Variants in TECPR1 observed in about 807,000 individuals in gnomAD.
The protein encoded by TECPR1 is tectonin beta-propeller repeat containing 1, also known as tectonin beta-propeller repeat-containing protein 1.
TECPR1 carries 122 observed loss-of-function variants against 162.4 expected under a neutral mutation model. That is an observed-to-expected ratio of 0.75 (90% confidence interval 0.65 to 0.87). The LOEUF (loss-of-function observed/expected upper bound fraction) is 0.87, where lower values mean the gene tolerates loss of function less well. Ranked by LOEUF, TECPR1 falls within the 40% of genes least tolerant of loss-of-function variation. TECPR1 has a pLI of 0.00. For missense variants in TECPR1, 1,432 were observed against 1,618.2 expected (o/e 0.88, Z 1.97); for synonymous variants, 642 against 670.6 (o/e 0.96, Z 0.66).
Position 98,222,977 on chromosome 7 carries a change from C to T in TECPR1, c.2928+13G>A. ...CTCATTTCAAGAAGAATCTGTCTGG[C>T]CCCGGCACTCACCGCAGGGTTGAGC... On this transcript the variant is annotated intron_variant, in intron 21 of 25. Coordinates refer to ENST00000447648, the MANE Select transcript of TECPR1 (RefSeq NM_015395.3). 1 of 1,610,616 alleles carries T rather than the reference C, an allele frequency of 6.2e-7. No homozygotes were observed. Among genetic ancestry groups the T allele is most frequent in the Non-Finnish European group, 8.5e-7 (1 of 1,179,046 alleles).
chr7:98,223,563 G>A, intron 20 of TECPR1, 99 bp downstream of exon 20: 2 of 1,308,044 alleles, frequency 1.5e-6, no homozygotes, highest in Non-Finnish European at 2.2e-6. Flanking sequence ...GAGGTCAGAG[G>A]CCAGGAGATC....
intron 10 of TECPR1, among the ~76,000 whole-genome samples, chr7:98,235,938 C>T (rs757803315): frequency 7.2e-5 from 11 of 151,882 alleles, no homozygotes; most frequent in Non-Finnish European, 1.2e-4. Context: ...GCTGACAGCA[C>T]GGCAGGGTGG....
At chr7:98,239,793 AC>A (rs1798699741) in intron 8 of TECPR1, among the ~76,000 whole-genome samples, 1 of 151,476 alleles carries the variant, frequency 6.6e-6, no homozygotes, top group South Asian at 2.1e-4. Context: ...GGCCAGGGAA[AC>A]CCCCTTGACA....
At chr7:98,247,625 A>G (rs1410960148) in intron 2 of TECPR1, among the ~76,000 whole-genome samples, 1 of 152,134 alleles carries the variant, frequency 6.6e-6, no homozygotes, top group African/African-American at 2.4e-5. Flanking sequence ...GAATTCAGGG[A>G]CGTAGGGGTC....
intron 13 of TECPR1, 132 bp downstream of exon 13, chr7:98,231,672 T>A: frequency 3.9e-6 from 3 of 765,488 alleles, no homozygotes; most frequent in Non-Finnish European, 5.5e-6. Context: ...GGTACCCTCA[T>A]TTCTGTGTCC....
rs1431150404 is a variant in TECPR1 at position 98,231,442 on chromosome 7, C to T, written c.1975-69G>A. 17 of 1,496,448 alleles carry T rather than the reference C, an allele frequency of 1.1e-5. No homozygotes were observed. In the Middle Eastern group the frequency reaches 7.8e-4, roughly 69 times the overall value. The allele number at this position is 1,496,448 out of a possible 1,614,324, so 92.7% of individuals were successfully genotyped here. A position where few individuals can be genotyped will look rare whatever the true frequency, so the allele number is the denominator to read the frequency against. ...GGAGGCCTCTGGAGGGTGACCCCCA[C>T]TGTGCTTCACCCTGGGACCCTGGCC... On this transcript the variant is annotated intron_variant, in intron 13 of 25. Coordinates refer to ENST00000447648, the MANE Select transcript of TECPR1 (RefSeq NM_015395.3).
intron 1 of TECPR1, chr7:98,251,904 C>T (rs1799071889): frequency 6.6e-6 from 1 of 152,278 alleles, no homozygotes; most frequent in Non-Finnish European, 1.5e-5. Context: ...GCGTCACCTG[C>T]ACCAGGCAAC....
chr7:98,238,832 T>C (rs1355584398), intron 8 of TECPR1, among the ~76,000 whole-genome samples: 1 of 152,228 alleles, frequency 6.6e-6, no homozygotes, highest in Non-Finnish European at 1.5e-5. Context: ...CCACGAGGGC[T>C]GAGGGTCCTC....
rs776993227 is a variant in TECPR1, at chr7:98,217,188, C to G, written c.*202G>C. 1 of 560,940 alleles carries G rather than the reference C, an allele frequency of 1.8e-6. No homozygotes were observed. The highest frequency in any genetic ancestry group is 3.2e-6 in the Non-Finnish European group (1 of 316,304). The allele number at this position is 560,940 out of a possible 1,614,324, so 34.7% of individuals were successfully genotyped here. The stretch of plus-strand genomic sequence containing the variant: ...CCGGGACTCCTCGCAGACGGGGACA[C>G]GTGTGGGAGTGTCCGCGGAGCTTCA... On this transcript the variant is annotated 3_prime_UTR_variant, in exon 26 of 26. Coordinates refer to ENST00000447648, the MANE Select transcript of TECPR1 (RefSeq NM_015395.3).
chr7:98,243,952 A>G (rs1002598264), intron 5 of TECPR1, among the ~76,000 whole-genome samples: 8 of 152,180 alleles, frequency 5.3e-5, no homozygotes, highest in Non-Finnish European at 1.0e-4. Flanking sequence ...AGTCCCAGCT[A>G]CTAGGGAGGC....
chr7:98,229,429 A>T (rs1584333365), intron 15 of TECPR1, among the ~76,000 whole-genome samples: 1 of 151,984 alleles, frequency 6.6e-6, no homozygotes, highest in East Asian at 1.9e-4. Context: ...TCTGGAACCC[A>T]CCCACTTCAG....
intron 2 of TECPR1, 106 bp from the exon 3 acceptor site, chr7:98,246,271 T>TC (rs1180575801): frequency 9.1e-5 from 11 of 120,868 alleles, no homozygotes; most frequent in East Asian, 8.6e-4. Context: ...TCTTTTTCTC[T>TC]TTTTTTTTTT....
At chr7:98,218,133 T>A in intron 23 of TECPR1, 91 bp from the exon 24 acceptor site, 2 of 1,065,956 alleles carry the variant, frequency 1.9e-6, no homozygotes, top group Non-Finnish European at 2.8e-6. Flanking sequence ...GGCCCCGCTC[T>A]AACCACTTCG....
At position 98,230,986 on chromosome 7, in the gene TECPR1, C is replaced by G; in HGVS notation, c.2257G>C (p.Glu753Gln). 3 of 1,612,270 alleles carry G rather than the reference C, an allele frequency of 1.9e-6. No individual in the cohort carries two copies. Among genetic ancestry groups the G allele is most frequent in the Middle Eastern group, 1.7e-4 (1 of 5,850 alleles). The change falls in exon 15 of 26, where the codon GAG (glutamate) becomes CAG (glutamine). Residue 753 changes from glutamate (E) to glutamine (Q), a missense_variant. Physicochemically the swap from Glu to Gln is conservative, Grantham distance 29. Transcript: ENST00000447648. ...SEPSPDLEAH[E>Q]HPLPCDQMFW... is the part of the protein sequence containing the mutation. ...ATCTGGTCGCAGGGCAGGGGGTGCT[C>G]GTGGGCCTCCAGGTCTGGGCTGGGC...
chr7:98,242,813 G>A (rs1170390953), intron 6 of TECPR1, among the ~76,000 whole-genome samples: 5 of 110,494 alleles, frequency 4.5e-5, no homozygotes, highest in Non-Finnish European at 7.0e-5. Flanking sequence ...CCATCCATCC[G>A]CACACCCACC....
intron 2 of TECPR1, among the ~76,000 whole-genome samples, chr7:98,250,567 G>GGATCAC (rs1180566650): frequency 6.6e-6 from 1 of 152,194 alleles, no homozygotes; most frequent in Non-Finnish European, 1.5e-5. Context: ...GAGCCCAGGA[G>GGATCAC]TTTGAGGCTA....
chr7:98,244,732 A>C, intron 4 of TECPR1, 39 bp from the exon 5 acceptor site: 1 of 1,589,980 alleles, frequency 6.3e-7, no homozygotes, highest in African/African-American at 1.3e-5. Flanking sequence ...CTCTGCGGGG[A>C]AGGCATTTGA....
chr7:98,233,762 G>C lies in TECPR1; in HGVS notation c.1331C>G (p.Ser444Ter). The change falls in exon 11 of 26, where the codon TCA becomes TGA. Residue 444 changes from serine (S) to a stop codon, truncating the protein, a stop_gained. Coordinates refer to ENST00000447648, the MANE Select transcript of TECPR1 (RefSeq NM_015395.3). LOFTEE classifies it high-confidence loss of function. ...CCTGCCAGCCCCCAGGCCTGAGGCT[G>C]AGTTCCCTGTGGCATTCTTGGAATC... ...LDDSKNATGN[S>*]ASGLGAGRTA... The C allele has an allele frequency of 1.2e-6, 2 of 1,612,680 alleles. No individual in the cohort carries two copies. Among genetic ancestry groups the C allele is most frequent in the Non-Finnish European group, 1.7e-6 (2 of 1,179,770 alleles).
At chr7:98,243,637 G>T (rs910663967) in intron 5 of TECPR1, 45 bp from the exon 6 acceptor site, 6 of 1,589,248 alleles carry the variant, frequency 3.8e-6, no homozygotes, top group Non-Finnish European at 4.3e-6. Flanking sequence ...CGCCCAGTGG[G>T]CACCTGGGCA....
Sources: gnomAD v4.1 joint callset for allele counts (sites outside exome capture counted in the v4.1 genomes callset) on GRCh38, gnomAD v4.1.1 for gene constraint, MANE v1.5 for transcripts, NCBI Gene and HGNC (gene_info 2026-07-23, HGNC 2026-07-21) for gene names.